EML6: variants seen among roughly 807,000 people sequenced by gnomAD.
EML6 encodes EMAP like 6, also known as echinoderm microtubule-associated protein-like 6.
A neutral mutation model predicts 240.1 loss-of-function variants in EML6; 154 were observed. That is an observed-to-expected ratio of 0.64 (90% CI 0.56 to 0.73). EML6 has a LOEUF of 0.73. EML6 is among the 30% of genes least tolerant of loss of function. The probability of loss-of-function intolerance (pLI) is 0.00; values close to 1 mark genes in which losing one functional copy is unlikely to be tolerated. For missense variants in EML6, 2,964 were observed against 2,474.6 expected, an observed-to-expected ratio of 1.20 and a Z score of -4.20; for synonymous variants, 1,148 against 899.0, an observed-to-expected ratio of 1.28 and a Z score of -4.95.
chr2:54,842,414 G>A (rs7606460), intron 7 of EML6, among the ~76,000 whole-genome samples: 2,458 of 152,238 alleles, frequency 0.016, 54 homozygotes, highest in African/African-American at 0.051. Context: ...TCTTAAAGGC[G>A]TTCTAATTGG....
intron 36 of EML6, among the ~76,000 whole-genome samples, chr2:54,963,002 T>C: frequency 6.6e-6 from 1 of 152,164 alleles, no homozygotes; most frequent in Non-Finnish European, 1.5e-5. Context: ...AAATGTGAAA[T>C]GTTCTGAAAT....
chr2:54,962,957 T>C (rs933840386), intron 36 of EML6, among the ~76,000 whole-genome samples: 1 of 152,234 alleles, frequency 6.6e-6, no homozygotes, highest in South Asian at 2.1e-4. Context: ...AGACAAATCA[T>C]GTTTTCCCTG....
chr2:54,741,756 G>A (rs1349266302), intron 2 of EML6, among the ~76,000 whole-genome samples: 2 of 152,172 alleles, frequency 1.3e-5, no homozygotes, highest in African/African-American at 4.8e-5. Context: ...GGGATAATTT[G>A]AGCATGAATT....
intron 2 of EML6, among the ~76,000 whole-genome samples, chr2:54,799,535 A>ATGG (rs1670006096): frequency 6.6e-6 from 1 of 151,834 alleles, no homozygotes; most frequent in Admixed American, 6.6e-5. Context: ...TAGTAGAGAC[A>ATGG]GGTTTCACCA....
At chr2:54,860,045 G>A (rs144888822) in intron 12 of EML6, among the ~76,000 whole-genome samples, 8 of 152,284 alleles carry the variant, frequency 5.3e-5, no homozygotes, top group Non-Finnish European at 7.4e-5. Flanking sequence ...CATACAAGTT[G>A]AGAAACTCCT....
At position 54,928,618 on chromosome 2, in the gene EML6, G is replaced by A. The variant is rs2104390169; in HGVS notation, c.3878-7G>A. The A allele has an allele frequency of 6.4e-7, 1 of 1,552,186 alleles. No homozygotes were observed. Among genetic ancestry groups the A allele is most frequent in the Non-Finnish European group, 8.7e-7 (1 of 1,147,098 alleles). On this transcript the variant is annotated splice_polypyrimidine_tract_variant and splice_region_variant and intron_variant, in intron 27 of 41. Transcript: ENST00000356458. The stretch of plus-strand genomic sequence containing the variant: ...ACTGGCTCCCCAATCTCTTTCTGTT[G>A]TTTGAGGCTATGACAGCGATGTTGC...
At chr2:54,865,753 A>G (rs1303754899) in intron 13 of EML6, among the ~76,000 whole-genome samples, 4 of 152,360 alleles carry the variant, frequency 2.6e-5, no homozygotes, top group East Asian at 1.9e-4. Flanking sequence ...CAACCTGTAT[A>G]TTCTCCCTGA....
intron 28 of EML6, among the ~76,000 whole-genome samples, chr2:54,945,274 C>T (rs1351348361): frequency 1.4e-4 from 3 of 20,910 alleles, no homozygotes; most frequent in Non-Finnish European, 2.8e-4. Context: ...TCTCTCTCCC[C>T]TCTCTCTCTG....
rs1676674418 is a variant in EML6, at chr2:54,964,704, G to C, written c.5464G>C (p.Asp1822His). ...KDIPSFVIQM[D>H]FSADGKYIQV... ...TATCCCAAGCTTTGTCATTCAGATG[G>C]ATTTTTCTGCGGATGGCAAATACAT... Residue 1822 changes from aspartate to histidine, a missense_variant, in exon 38 of 42, where the codon GAT becomes CAT. Asp to His is a moderately conservative substitution (Grantham distance 81). Coordinates refer to ENST00000356458, the MANE Select transcript of EML6 (RefSeq NM_001039753.4). 1 of 1,551,918 alleles carries C rather than the reference G, an allele frequency of 6.4e-7. No homozygotes were observed. Among genetic ancestry groups the C allele is most frequent in the Admixed American group, 2.0e-5 (1 of 50,990 alleles).
At chr2:54,892,916 C>G (rs1216907301) in intron 19 of EML6, among the ~76,000 whole-genome samples, 1 of 152,266 alleles carries the variant, frequency 6.6e-6, no homozygotes, top group African/African-American at 2.4e-5. Context: ...ATGAGAGTCC[C>G]TTAAGAAGTG....
At chr2:54,900,414 T>G (rs1672995251) in intron 22 of EML6, among the ~76,000 whole-genome samples, 1 of 152,114 alleles carries the variant, frequency 6.6e-6, no homozygotes, top group Admixed American at 6.5e-5. Context: ...TGGGACTATT[T>G]ATATAAAGGG....
In EML6 at chr2:54,899,211, A is replaced by G. The variant is rs184248301; in HGVS notation, c.2983-430A>G. 6.0e-3 allele frequency among the ~76,000 whole-genome samples: 920 copies of G among 152,370 alleles called. 8 individuals are homozygous for G. Among genetic ancestry groups the G allele is most frequent in the Non-Finnish European group, 7.6e-3 (519 of 68,028 alleles). ...ACTGACATGAATGGGTCGTACCTGC[A>G]TCTTTTAGAATATGATTTAACTGAA... On this transcript the variant is annotated intron_variant, in intron 21 of 41. Transcript: ENST00000356458.
rs1484862044 is a variant in EML6, at chr2:54,853,096, G to A, written c.1445-547G>A. Among the ~76,000 whole-genome samples the A allele has an allele frequency of 2.6e-5, 4 of 151,964 alleles. No homozygotes were observed. The East Asian group carries it at 7.7e-4, about 29-fold the overall frequency. On this transcript the variant is annotated intron_variant, in intron 10 of 41. Transcript: ENST00000356458. Reference sequence around the variant, plus strand: ...TAATTTTTTTTCATTAATCTACTGAGCCTGAATTTTAAAGACATCACTTCT... The same window carrying A: ...TAATTTTTTTTCATTAATCTACTGAACCTGAATTTTAAAGACATCACTTCT...
chr2:54,786,751 GCT>G (rs1308517302), intron 2 of EML6, among the ~76,000 whole-genome samples: 1 of 152,144 alleles, frequency 6.6e-6, no homozygotes, highest in Admixed American at 6.5e-5. Context: ...GAATCCAGAG[GCT>G]CTGTTAAGAC....
intron 2 of EML6, among the ~76,000 whole-genome samples, chr2:54,802,620 A>G (rs916293187): frequency 1.2e-4 from 10 of 82,384 alleles, no homozygotes; most frequent in African/African-American, 1.9e-4. Context: ...CCTGTCTCAT[A>G]CTACTACTAC....
Position 54,928,887 on chromosome 2 carries a change from G to T in EML6, c.4004+136G>T, listed in dbSNP as rs17046500. ...ATAAATCTTCACAGAGTCTTCACCTGTACACAGGCTTAAGCTGAGAAAAAA... is the reference window on the plus strand; with the variant it reads ...ATAAATCTTCACAGAGTCTTCACCTTTACACAGGCTTAAGCTGAGAAAAAA... On this transcript the variant is annotated intron_variant, in intron 28 of 41. Transcript: ENST00000356458. 599 of 1,053,832 alleles carry T rather than the reference G, an allele frequency of 5.7e-4. 6 individuals are homozygous for T. The Admixed American group carries it at 0.012, about 22-fold the overall frequency. 65.3% of individuals were successfully genotyped at this position (1,053,832 alleles called of 1,614,324 possible). A position where few individuals can be genotyped will look rare whatever the true frequency, so the allele number is the denominator to read the frequency against.
At chr2:54,936,849 T>C (rs1675158460) in intron 28 of EML6, among the ~76,000 whole-genome samples, 1 of 152,200 alleles carries the variant, frequency 6.6e-6, no homozygotes, top group Non-Finnish European at 1.5e-5. Flanking sequence ...GCTGCATAAC[T>C]TATGGCCAAA....
At position 54,953,457 on chromosome 2, in the gene EML6, A is replaced by G. The variant is rs1676080006; in HGVS notation, c.4313-526A>G. On this transcript the variant is annotated intron_variant, in intron 31 of 41. Transcript: ENST00000356458. The stretch of plus-strand genomic sequence containing the variant: ...TTTCCTTCGTATAAAATCCTCTGCA[A>G]GTGTGTGTGTGTTGAACATAAATGT... Among the ~76,000 whole-genome samples, 3 of 152,262 alleles carry G rather than the reference A, an allele frequency of 2.0e-5. No individual in the cohort carries two copies. In the South Asian group the frequency reaches 6.2e-4, roughly 32 times the overall value.
intron 24 of EML6, 55 bp from the exon 25 acceptor site, chr2:54,910,899 A>G (rs919685966): frequency 6.9e-6 from 6 of 865,448 alleles, no homozygotes; most frequent in Admixed American, 4.6e-5. Context: ...TCATTTTATA[A>G]TAAAGAGATA....
Sources: allele counts gnomAD v4.1 joint callset (sites outside exome capture counted in the v4.1 genomes callset), GRCh38; gene constraint gnomAD v4.1.1; transcripts MANE v1.5; gene names NCBI Gene and HGNC (gene_info 2026-07-23, HGNC 2026-07-21).